NCOR1: variants seen among roughly 807,000 people sequenced by gnomAD.
NCOR1 encodes the protein protein phosphatase 1, regulatory subunit 109.
NCOR1 carries 63 observed loss-of-function variants against 288.1 expected under a neutral mutation model. The ratio of observed to expected loss-of-function variants is 0.22; its 90% CI spans 0.18 to 0.27. The LOEUF (loss-of-function observed/expected upper bound fraction) is 0.27. Among genes scored for constraint, NCOR1 ranks in the 10% least tolerant of loss-of-function variants. The pLI, the probability that NCOR1 is intolerant of heterozygous loss-of-function variation, is 1.00. For missense variants in NCOR1, 2,397 were observed against 3,019.2 expected (o/e 0.79, Z 4.83); for synonymous variants, 1,007 against 1,065.9 (o/e 0.94, Z 1.08).
intron 36 of NCOR1, 25 bp downstream of exon 36, chr17:16,062,080 G>T (rs1265740090): frequency 6.2e-7 from 1 of 1,603,262 alleles, no homozygotes; most frequent in South Asian, 1.1e-5. Flanking sequence ...GACATTTTTT[G>T]TCAAAATATG....
At chr17:16,126,476 T>C (rs2074065384) in intron 14 of NCOR1, among the ~76,000 whole-genome samples, 1 of 152,184 alleles carries the variant, frequency 6.6e-6, no homozygotes, top group Non-Finnish European at 1.5e-5. Flanking sequence ...AATCTGGGGT[T>C]GGTTCCCTTT....
intron 17 of NCOR1, 32 bp from the exon 18 acceptor site, chr17:16,118,059 G>C (rs1252876343): frequency 6.3e-7 from 1 of 1,598,310 alleles, no homozygotes; most frequent in Non-Finnish European, 8.5e-7. Flanking sequence ...AATGTTAATT[G>C]AACAGTCACC....
chr17:16,032,547 T>G, intron 45 of NCOR1, 64 bp from the exon 46 acceptor site: 3 of 1,435,994 alleles, frequency 2.1e-6, no homozygotes, highest in Admixed American at 4.6e-5. Context: ...CCAATCCAAC[T>G]TTTGTAGGAT....
Sources: allele counts gnomAD v4.1 joint callset (sites outside exome capture counted in the v4.1 genomes callset), GRCh38; gene constraint gnomAD v4.1.1; transcripts MANE v1.5; gene names NCBI Gene and HGNC (gene_info 2026-07-23, HGNC 2026-07-21).